NELL1: variants seen among roughly 807,000 people sequenced by gnomAD.
The protein encoded by NELL1 is neural EGFL like 1, also known as protein kinase C-binding protein NELL1.
NELL1 carries 76 observed loss-of-function variants against 107.4 expected under a neutral mutation model. The ratio of observed to expected loss-of-function variants is 0.71; its 90% CI spans 0.59 to 0.86. NELL1 has a LOEUF of 0.86. Ranked by LOEUF, NELL1 falls within the 40% of genes least tolerant of loss-of-function variation. NELL1 has a pLI of 0.00. For synonymous variants in NELL1, 353 were observed against 341.2 expected (o/e 1.03, Z -0.38); for missense variants, 1,024 against 1,005.5 (o/e 1.02, Z -0.25).
chr11:21,337,840 T>TTGCTTG lies in NELL1; in HGVS notation c.1550-33013_1550-33012insTGCTTG, dbSNP rs1565175620. On this transcript the variant is annotated intron_variant, in intron 14 of 19. Coordinates refer to ENST00000357134, the MANE Select transcript of NELL1 (RefSeq NM_006157.5). ...TCCTTCTTTCTTTCTTTCTTTCTTTTCTTTCTTTCTTTCTTTCTTTCTTTC... is the reference window on the plus strand; with the variant it reads ...TCCTTCTTTCTTTCTTTCTTTCTTTTTGCTTGCTTTCTTTCTTTCTTTCTTTCTTTC... Among the ~76,000 whole-genome samples the TTGCTTG allele has an allele frequency of 1.1e-4, 12 of 109,982 alleles. No individual in the cohort carries two copies. In the East Asian group the frequency reaches 2.6e-3, roughly 24 times the overall value. The allele number at this position is 109,982 out of a possible 152,430, so 72.2% of individuals were successfully genotyped here. A position where few individuals can be genotyped will look rare whatever the true frequency, so the allele number is the denominator to read the frequency against.
intron 2 of NELL1, among the ~76,000 whole-genome samples, chr11:20,708,514 A>T (rs559065811): frequency 6.6e-6 from 1 of 151,726 alleles, no homozygotes; most frequent in Non-Finnish European, 1.5e-5. Context: ...GGCCATTTGT[A>T]TATCTTCTTT....
chr11:20,692,836 A>G (rs994258946), intron 2 of NELL1, among the ~76,000 whole-genome samples: 10 of 152,084 alleles, frequency 6.6e-5, no homozygotes, highest in Admixed American at 6.6e-4. Flanking sequence ...ATTCCCGGGT[A>G]TACTTGTTAA....
intron 14 of NELL1, among the ~76,000 whole-genome samples, chr11:21,346,406 A>T (rs1850683581): frequency 1.3e-5 from 2 of 152,014 alleles, no homozygotes; most frequent in Admixed American, 6.6e-5. Flanking sequence ...GAACTGGGAC[A>T]TGCAGCCAAC....
intron 2 of NELL1, 160 bp from the exon 3 acceptor site, chr11:20,783,520 C>A (rs2280361): frequency 0.25 from 136,553 of 540,632 alleles, 19,102 homozygotes; most frequent in African/African-American, 0.42. Context: ...GAAAATGAAA[C>A]TTGCAATCTG....
At chr11:21,036,382 A>C (rs988619357) in intron 12 of NELL1, among the ~76,000 whole-genome samples, 1 of 152,172 alleles carries the variant, frequency 6.6e-6, no homozygotes, top group African/African-American at 2.4e-5. Context: ...AGAGAAAACT[A>C]TTTTAAAATT....
At chr11:21,324,359 T>C (rs1350078725) in intron 14 of NELL1, among the ~76,000 whole-genome samples, 1 of 152,118 alleles carries the variant, frequency 6.6e-6, no homozygotes, top group Non-Finnish European at 1.5e-5. Context: ...ATTAAGTGTT[T>C]CAAAAATTAT....
intron 2 of NELL1, among the ~76,000 whole-genome samples, chr11:20,781,783 C>A (rs961431735): frequency 3.4e-5 from 5 of 147,992 alleles, no homozygotes; most frequent in Admixed American, 2.1e-4. Flanking sequence ...AATCCCAGCA[C>A]TTTGGAAGGC....
intron 2 of NELL1, among the ~76,000 whole-genome samples, chr11:20,729,807 A>G (rs572067481): frequency 1.3e-5 from 2 of 152,170 alleles, no homozygotes; most frequent in Admixed American, 6.5e-5. Flanking sequence ...GCCTGACTTT[A>G]TGCTCTCTTC....
At chr11:20,963,124 T>C (rs1851322068) in intron 12 of NELL1, among the ~76,000 whole-genome samples, 1 of 152,084 alleles carries the variant, frequency 6.6e-6, no homozygotes, top group Admixed American at 6.6e-5. Context: ...CTTCCATAGC[T>C]CTAAGAATGG....
intron 5 of NELL1, among the ~76,000 whole-genome samples, chr11:20,908,683 T>G (rs994090203): frequency 6.6e-6 from 1 of 152,012 alleles, no homozygotes; most frequent in Non-Finnish European, 1.5e-5. Context: ...AAGTAAAATT[T>G]AAAAATAAAA....
intron 13 of NELL1, among the ~76,000 whole-genome samples, chr11:21,152,186 G>A (rs576902699): frequency 6.6e-6 from 1 of 152,284 alleles, no homozygotes; most frequent in African/African-American, 2.4e-5. Context: ...GGGGCTGATG[G>A]CTTTTTGTTT....
chr11:21,539,368 T>C (rs769826993), intron 16 of NELL1, among the ~76,000 whole-genome samples: 10 of 152,074 alleles, frequency 6.6e-5, no homozygotes, highest in Non-Finnish European at 1.3e-4. Context: ...TTGTACCCTC[T>C]GCCTTTTCAC....
chr11:20,958,557 T>C (rs951830614), intron 11 of NELL1, among the ~76,000 whole-genome samples: 3 of 152,208 alleles, frequency 2.0e-5, no homozygotes, highest in Non-Finnish European at 2.9e-5. Context: ...AAACATGGAA[T>C]GACATTTTTA....
intron 14 of NELL1, among the ~76,000 whole-genome samples, chr11:21,322,138 C>A (rs1850025069): frequency 6.6e-6 from 1 of 152,158 alleles, no homozygotes; most frequent in Non-Finnish European, 1.5e-5. Context: ...TTTGCAATGA[C>A]AGGAAATGCG....
At position 21,227,306 on chromosome 11, in the gene NELL1, T is replaced by A. The variant is rs534462544; in HGVS notation, c.1427-2026T>A. Among the ~76,000 whole-genome samples, 8 of 152,280 alleles carry A rather than the reference T, an allele frequency of 5.3e-5. No homozygotes were observed. The South Asian group carries it at 1.7e-3, about 32-fold the overall frequency. On this transcript the variant is annotated intron_variant, in intron 13 of 19. Coordinates refer to ENST00000357134, the MANE Select transcript of NELL1 (RefSeq NM_006157.5). ...TTCTGAGTTATGCTTGTTATCCCAGTGTAATTATTAGTAGAGCACCCTTTC... is the reference window on the plus strand; with the variant it reads ...TTCTGAGTTATGCTTGTTATCCCAGAGTAATTATTAGTAGAGCACCCTTTC...
At chr11:20,674,609 CTG>C in intron 1 of NELL1, 1 of 1,218,940 alleles carries the variant, frequency 8.2e-7, no homozygotes, top group Non-Finnish European at 1.2e-6. Flanking sequence ...GATGAGGAAA[CTG>C]AGGCTTGATA....
At chr11:20,687,381 G>A (rs1792998) in intron 2 of NELL1, among the ~76,000 whole-genome samples, 28,171 of 151,802 alleles carry the variant, frequency 0.19, 2,992 homozygotes, top group African/African-American at 0.27. Flanking sequence ...CATATGTCAT[G>A]TGGTGTCTTT....
chr11:21,284,169 A>G (rs1849059039), intron 14 of NELL1: 1 of 448,870 alleles, frequency 2.2e-6, no homozygotes, highest in Non-Finnish European at 4.5e-6. Flanking sequence ...CCACCATCAT[A>G]CAAATCCTTC....
At chr11:21,160,725 G>T (rs1270735985) in intron 13 of NELL1, among the ~76,000 whole-genome samples, 1 of 152,086 alleles carries the variant, frequency 6.6e-6, no homozygotes, top group African/African-American at 2.4e-5. Flanking sequence ...CAAGGCAAAA[G>T]AACCTAGGCT....
Sources: gnomAD v4.1 joint callset for allele counts (sites outside exome capture counted in the v4.1 genomes callset) on GRCh38, gnomAD v4.1.1 for gene constraint, MANE v1.5 for transcripts, NCBI Gene and HGNC (gene_info 2026-07-23, HGNC 2026-07-21) for gene names.